Variants in GRAMD4 observed in about 807,000 individuals in gnomAD.
GRAMD4 encodes GRAM domain-containing protein 4.
GRAMD4 carries 25 observed loss-of-function variants against 83.9 expected under a neutral mutation model. That is an observed-to-expected ratio of 0.30 (90% CI 0.22 to 0.42). The LOEUF (loss-of-function observed/expected upper bound fraction) is 0.42, where lower values mean the gene tolerates loss of function less well. GRAMD4 is among the 10% of genes least tolerant of loss of function. The probability of loss-of-function intolerance (pLI) is 1.00; values close to 1 mark genes in which losing one functional copy is unlikely to be tolerated. For missense variants in GRAMD4, 593 were observed against 788.7 expected (o/e 0.75, Z 2.97); for synonymous variants, 336 against 320.9 (o/e 1.05, Z -0.50).
At chr22:46,666,097 G>A (rs1331657998) in intron 9 of GRAMD4, among the ~76,000 whole-genome samples, 3 of 152,214 alleles carry the variant, frequency 2.0e-5, no homozygotes, top group Admixed American at 6.5e-5. Context: ...GAGCTGGACC[G>A]GGAATGAGTA....
chr22:46,650,090 A>G (rs2082142074), intron 3 of GRAMD4, among the ~76,000 whole-genome samples: 1 of 152,236 alleles, frequency 6.6e-6, no homozygotes, highest in African/African-American at 2.4e-5. Context: ...CCGCCAGGCC[A>G]GGAGCAGCTT....
At chr22:46,583,006 C>T (rs908392776) in intron 1 of GRAMD4, among the ~76,000 whole-genome samples, 3 of 152,214 alleles carry the variant, frequency 2.0e-5, no homozygotes, top group Admixed American at 6.5e-5. Context: ...CTCACCACAA[C>T]CTCCGCCTCC....
intron 2 of GRAMD4, among the ~76,000 whole-genome samples, chr22:46,631,029 C>T (rs1357884369): frequency 6.6e-6 from 1 of 152,256 alleles, no homozygotes; most frequent in Non-Finnish European, 1.5e-5. Context: ...AGGCTTCTCT[C>T]TCCACCGCCC....
Position 46,678,375 on chromosome 22 carries a change from T to A in GRAMD4, c.*1124T>A. On this transcript the variant is annotated 3_prime_UTR_variant, in exon 19 of 19. Transcript: ENST00000406902. Reference sequence around the variant, plus strand: ...TTCCCTCCCCCGCGTGCCTAGCCGGTGCCGGTCCGGGCACAGACCCCCCCA... The same window carrying A: ...TTCCCTCCCCCGCGTGCCTAGCCGGAGCCGGTCCGGGCACAGACCCCCCCA... 2.0e-6 allele frequency: 2 copies of A among 984,436 alleles called. No homozygotes were observed. The highest frequency in any genetic ancestry group is 2.4e-6 in the Non-Finnish European group (2 of 829,264). The allele number at this position is 984,436 out of a possible 1,614,324, so 61.0% of individuals were successfully genotyped here.
At chr22:46,649,846 G>A (rs1477933234) in intron 3 of GRAMD4, among the ~76,000 whole-genome samples, 1 of 152,252 alleles carries the variant, frequency 6.6e-6, no homozygotes, top group Non-Finnish European at 1.5e-5. Context: ...AGGGCCACGG[G>A]AGGAAGGGGT....
At chr22:46,575,781 C>T (rs559730068), upstream of GRAMD4, among the ~76,000 whole-genome samples, 1 of 152,232 alleles carries the variant, frequency 6.6e-6, no homozygotes, top group Non-Finnish European at 1.5e-5. Flanking sequence ...ACAGGACAGA[C>T]GCCACTGGGC....
intron 1 of GRAMD4, among the ~76,000 whole-genome samples, chr22:46,601,289 G>A (rs1008766184): frequency 1.2e-4 from 18 of 152,076 alleles, no homozygotes; most frequent in African/African-American, 3.6e-4. Context: ...CAGCTGCCAG[G>A]GGGCAAGTGT....
At chr22:46,658,468 GTA>G (rs1188369963) in intron 4 of GRAMD4, among the ~76,000 whole-genome samples, 161 bp downstream of exon 4, 1 of 151,726 alleles carries the variant, frequency 6.6e-6, no homozygotes, top group African/African-American at 2.4e-5. Context: ...GACTGCCCAG[GTA>G]TAGGTCCTGC....
At position 46,622,912 on chromosome 22, in the gene GRAMD4, TAA is replaced by T. The variant is rs1244826706; in HGVS notation, c.-50+2365_-50+2366del. On this transcript the variant is annotated intron_variant, in intron 1 of 18. Transcript: ENST00000406902. The surrounding 1 kb of genome is among the most constrained non-coding windows in gnomAD (Gnocchi z 4.0). The stretch of plus-strand genomic sequence containing the variant: ...GGGCGACAGAGCAAGACTCCATCTC[TAA>T]AAAAAAAAAAAAAAAAACTGATGAA... Among the ~76,000 whole-genome samples, 56 of 110,222 alleles carry T rather than the reference TAA, an allele frequency of 5.1e-4. No individual in the cohort carries two copies. The highest frequency in any genetic ancestry group is 8.1e-4 in the African/African-American group (22 of 27,170). The allele number at this position is 110,222 out of a possible 152,430, so 72.3% of individuals were successfully genotyped here.
At chr22:46,602,043 A>G (rs1201818170) in intron 1 of GRAMD4, among the ~76,000 whole-genome samples, 2 of 152,054 alleles carry the variant, frequency 1.3e-5, no homozygotes, top group East Asian at 3.9e-4. Context: ...CGTGCTGGCA[A>G]GTGACCACGT....
At chr22:46,651,810 A>G (rs903035821) in intron 3 of GRAMD4, among the ~76,000 whole-genome samples, 1 of 151,988 alleles carries the variant, frequency 6.6e-6, no homozygotes, top group Non-Finnish European at 1.5e-5. Context: ...GCACTGGGGA[A>G]TCCTGCTTCA....
chr22:46,613,770 C>G (rs545100180), intron 1 of GRAMD4, among the ~76,000 whole-genome samples: 2 of 152,336 alleles, frequency 1.3e-5, no homozygotes, highest in East Asian at 3.9e-4. Context: ...ATACACACCC[C>G]CTCCTGCCCT....
intron 1 of GRAMD4, among the ~76,000 whole-genome samples, chr22:46,611,452 G>T (rs2081416296): frequency 6.6e-6 from 1 of 152,046 alleles, no homozygotes; most frequent in Non-Finnish European, 1.5e-5. Flanking sequence ...TGTTCCTGTT[G>T]TGCCACTTCT....
intron 2 of GRAMD4, among the ~76,000 whole-genome samples, chr22:46,627,253 C>T (rs1050538223): frequency 2.0e-5 from 3 of 152,244 alleles, no homozygotes; most frequent in East Asian, 1.9e-4. Context: ...GCGGAAGCCT[C>T]GGCCTGGCCC....
intron 3 of GRAMD4, among the ~76,000 whole-genome samples, chr22:46,655,332 G>C (rs908485270): frequency 6.6e-6 from 1 of 152,128 alleles, no homozygotes; most frequent in Non-Finnish European, 1.5e-5. Context: ...TTGCCAGCCC[G>C]GTGAGGAGTT....
At chr22:46,656,969 A>G (rs757096291) in intron 3 of GRAMD4, among the ~76,000 whole-genome samples, 5 of 152,134 alleles carry the variant, frequency 3.3e-5, no homozygotes, top group African/African-American at 7.2e-5. Context: ...CATAGGCCAC[A>G]GCCAGGCAGC....
chr22:46,603,594 G>A (rs1411848592), intron 1 of GRAMD4, among the ~76,000 whole-genome samples: 1 of 144,272 alleles, frequency 6.9e-6, no homozygotes, highest in African/African-American at 2.6e-5. Context: ...CTGGCTCACT[G>A]CAAGCTCCGC....
chr22:46,628,891 G>A (rs950056000), intron 2 of GRAMD4, among the ~76,000 whole-genome samples: 1 of 152,104 alleles, frequency 6.6e-6, no homozygotes, highest in African/African-American at 2.4e-5. Flanking sequence ...TGGCGCTAGC[G>A]GTGTTGCTGG....
chr22:46,608,444 C>T (rs927217271), intron 1 of GRAMD4, among the ~76,000 whole-genome samples: 1 of 151,790 alleles, frequency 6.6e-6, no homozygotes, highest in South Asian at 2.1e-4. Context: ...TTTGGGAGGC[C>T]GAGGCAGGCG....
Sources: allele counts gnomAD v4.1 joint callset (sites outside exome capture counted in the v4.1 genomes callset), GRCh38; gene constraint gnomAD v4.1.1; non-coding constraint Gnocchi (gnomAD v3.1); transcripts MANE v1.5; gene names NCBI Gene and HGNC (gene_info 2026-07-23, HGNC 2026-07-21).